Variants in EFL1 observed in about 807,000 individuals in gnomAD.
EFL1 encodes the protein elongation factor like GTPase 1.
A neutral mutation model predicts 126.7 loss-of-function variants in EFL1; 76 were observed. The observed-to-expected ratio is 0.60, with a 90% confidence interval of 0.50 to 0.73. EFL1 has a LOEUF of 0.73. Ranked by LOEUF, EFL1 falls within the 30% of genes least tolerant of loss-of-function variation. The pLI, the probability that EFL1 is intolerant of heterozygous loss-of-function variation, is 0.00. For synonymous variants in EFL1, 410 were observed against 448.4 expected, an observed-to-expected ratio of 0.91 and a Z score of 1.08; for missense variants, 1,128 against 1,343.2, an observed-to-expected ratio of 0.84 and a Z score of 2.50.
At chr15:82,132,582 ACT>A (rs1312869162) in intron 19 of EFL1, among the ~76,000 whole-genome samples, 2 of 150,504 alleles carry the variant, frequency 1.3e-5, no homozygotes, top group East Asian at 2.0e-4. Context: ...TAGAGTAATA[ACT>A]CTGGTGGGTG....
intron 2 of EFL1, among the ~76,000 whole-genome samples, chr15:82,260,941 G>A (rs1178113642): frequency 6.6e-6 from 1 of 152,174 alleles, no homozygotes; most frequent in Non-Finnish European, 1.5e-5. Flanking sequence ...ATCAAGAGGA[G>A]GCTTAGCATG....
intron 15 of EFL1, among the ~76,000 whole-genome samples, chr15:82,182,750 G>C (rs1276533054): frequency 6.6e-6 from 1 of 152,004 alleles, no homozygotes; most frequent in Non-Finnish European, 1.5e-5. Context: ...GCATGAACCT[G>C]GGAGGCAGAG....
At chr15:82,168,469 A>AT (rs1236845914) in intron 15 of EFL1, among the ~76,000 whole-genome samples, 5 of 152,106 alleles carry the variant, frequency 3.3e-5, no homozygotes, top group African/African-American at 1.2e-4. Flanking sequence ...TATGTCATAA[A>AT]TTTTTTTCTT....
chr15:82,159,045 AG>A (rs1207425808), intron 16 of EFL1, among the ~76,000 whole-genome samples: 1 of 152,230 alleles, frequency 6.6e-6, no homozygotes, highest in Non-Finnish European at 1.5e-5. Context: ...GGTGATCAAA[AG>A]CCACATATGG....
At chr15:82,144,069 C>A (rs993812199) in intron 18 of EFL1, among the ~76,000 whole-genome samples, 5 of 152,022 alleles carry the variant, frequency 3.3e-5, no homozygotes, top group African/African-American at 9.7e-5. Flanking sequence ...TGGAGACCAA[C>A]CTGGGCAACA....
intron 15 of EFL1, among the ~76,000 whole-genome samples, chr15:82,211,595 G>GACACACACACACACACACACACAC (rs10543301): frequency 0.015 from 1,533 of 105,704 alleles, 69 homozygotes; most frequent in Non-Finnish European, 0.022. Context: ...ACACATACTA[G>GACACACACACACACACACACACAC]ACACACACAC....
chr15:82,166,659 TA>T (rs2074082634), intron 15 of EFL1, among the ~76,000 whole-genome samples: 1 of 152,234 alleles, frequency 6.6e-6, no homozygotes. Flanking sequence ...TTTTTGTTTT[TA>T]AAAATAACAT....
intron 6 of EFL1, among the ~76,000 whole-genome samples, chr15:82,239,788 T>C (rs1333307182): frequency 6.6e-6 from 1 of 152,224 alleles, no homozygotes; most frequent in Non-Finnish European, 1.5e-5. Flanking sequence ...CCTGTCTACC[T>C]GGCAAACACC....
chr15:82,160,307 C>T (rs2074009651), intron 16 of EFL1, among the ~76,000 whole-genome samples: 1 of 152,162 alleles, frequency 6.6e-6, no homozygotes, highest in East Asian at 1.9e-4. Context: ...AGATGGCTAC[C>T]GCCCAAGGTG....
chr15:82,252,553 C>T, intron 4 of EFL1, 138 bp downstream of exon 4: 1 of 702,992 alleles, frequency 1.4e-6, no homozygotes, highest in Admixed American at 2.3e-5. Flanking sequence ...CTGACTCTGA[C>T]AACAGATCAT....
intron 15 of EFL1, among the ~76,000 whole-genome samples, chr15:82,189,004 T>C (rs2141268627): frequency 6.7e-6 from 1 of 148,518 alleles, no homozygotes; most frequent in South Asian, 2.1e-4. Flanking sequence ...TTCTGAGAAA[T>C]GCAACCTTAA....
At chr15:82,153,457 A>C (rs1248071886) in intron 17 of EFL1, among the ~76,000 whole-genome samples, 1 of 152,208 alleles carries the variant, frequency 6.6e-6, no homozygotes, top group Non-Finnish European at 1.5e-5. Context: ...AGGTGTGTGC[A>C]TTAAAAAAAA....
chr15:82,228,470 G>A (rs568480096), intron 9 of EFL1, 143 bp from the exon 10 acceptor site: 94 of 1,066,978 alleles, frequency 8.8e-5, no homozygotes, highest in Non-Finnish European at 1.1e-4. Context: ...GAATCCTGCC[G>A]CCACACAAGG....
rs921778595 is a variant in EFL1, at chr15:82,152,268, G to T, written c.2186C>A (p.Pro729His). The change falls in exon 18 of 20, where the codon CCT becomes CAT. Residue 729 changes from proline (P) to histidine (H), a missense_variant. Around this residue, in one of 6 missense-constraint regions of EFL1, gnomAD observed 561 missense variants for 641.7 expected, o/e 0.87. Transcript: ENST00000268206. ...HQMKEDQSKI[P>H]EGIQVDSDGL... ...GTCAGAGTCAACTTGGATTCCTTCA[G>T]GGATTTTGCTTTGATCTTCTTTCAT... The T allele has an allele frequency of 6.2e-7, 1 of 1,614,036 alleles. No individual in the cohort carries two copies. The highest frequency in any genetic ancestry group is 1.3e-5 in the African/African-American group (1 of 74,918).
At chr15:82,157,190 TTTC>T (rs1305018607) in intron 17 of EFL1, among the ~76,000 whole-genome samples, 1 of 152,212 alleles carries the variant, frequency 6.6e-6, no homozygotes, top group South Asian at 2.1e-4. Context: ...AATGATTCTT[TTTC>T]TTCTTCTGCA....
rs752447287 is a variant in EFL1 at position 82,229,129 on chromosome 15, G to A, written c.856-19C>T. 21 of 1,587,916 alleles carry A rather than the reference G, an allele frequency of 1.3e-5. No individual in the cohort carries two copies. The highest frequency in any genetic ancestry group is 1.8e-5 in the Admixed American group (1 of 55,990). On this transcript the variant is annotated intron_variant, in intron 8 of 19. Coordinates refer to ENST00000268206, the MANE Select transcript of EFL1 (RefSeq NM_024580.6). Reference sequence around the variant, plus strand: ...CTTTGGCCTGTACAAAAGAACATACGGGCTTAAGTTCCTGAACATTTAATA... The same window carrying A: ...CTTTGGCCTGTACAAAAGAACATACAGGCTTAAGTTCCTGAACATTTAATA...
At chr15:82,162,766 G>C (rs2074036679) in intron 16 of EFL1, among the ~76,000 whole-genome samples, 1 of 152,176 alleles carries the variant, frequency 6.6e-6, no homozygotes, top group African/African-American at 2.4e-5. Context: ...TAATGGCTAG[G>C]GGTATGTCTT....
intron 15 of EFL1, among the ~76,000 whole-genome samples, chr15:82,167,369 C>T (rs1190620215): frequency 6.6e-6 from 1 of 152,148 alleles, no homozygotes; most frequent in Non-Finnish European, 1.5e-5. Context: ...TACATAGGTC[C>T]TTGCTAGACT....
intron 7 of EFL1, among the ~76,000 whole-genome samples, chr15:82,234,499 C>T (rs1322556996): frequency 2.0e-5 from 3 of 152,018 alleles, no homozygotes; most frequent in East Asian, 1.9e-4. Context: ...TATCATCTTT[C>T]GGGCATCAAA....
Sources: gnomAD v4.1 joint callset for allele counts (sites outside exome capture counted in the v4.1 genomes callset) on GRCh38, gnomAD v4.1.1 for gene constraint, gnomAD v4.1.1 regional missense constraint, MANE v1.5 for transcripts, NCBI Gene and HGNC (gene_info 2026-07-23, HGNC 2026-07-21) for gene names.